The following LRFN5 variants were observed in gnomAD, a reference collection of about 807,000 sequenced individuals.
LRFN5 encodes the protein leucine-rich repeat and fibronectin type-III domain-containing protein 5.
Under a neutral mutation model 45.6 loss-of-function variants are expected in LRFN5, and 24 were observed. The observed-to-expected ratio is 0.53, with a 90% CI of 0.38 to 0.74. The LOEUF is 0.74. Among genes scored for constraint, LRFN5 ranks in the 30% least tolerant of loss-of-function variants. The pLI, the probability that LRFN5 is intolerant of heterozygous loss-of-function variation, is 0.00. For missense variants in LRFN5, 776 were observed against 861.5 expected (o/e 0.90, Z 1.24); for synonymous variants, 340 against 313.8 (o/e 1.08, Z -0.88).
intron 1 of LRFN5, among the ~76,000 whole-genome samples, chr14:41,678,007 T>G (rs1350681633): frequency 6.6e-6 from 1 of 152,054 alleles, no homozygotes; most frequent in Non-Finnish European, 1.5e-5. Flanking sequence ...TGTCAGAGAT[T>G]GTCATGATAA....
Position 41,888,188 on chromosome 14 carries a change from T to C in LRFN5, c.1385+178T>C, listed in dbSNP as rs138864401. Reference sequence around the variant, plus strand: ...ACAAGTGGGGAGATATTTTGAATGGTATTTTTTTAGAGAGTTCAATTTATA... The same window carrying C: ...ACAAGTGGGGAGATATTTTGAATGGCATTTTTTTAGAGAGTTCAATTTATA... On this transcript the variant is annotated intron_variant, in intron 3 of 5. Coordinates refer to ENST00000298119, the MANE Select transcript of LRFN5 (RefSeq NM_152447.5). 3.3e-3 allele frequency among the ~76,000 whole-genome samples: 501 copies of C among 152,266 alleles called. 5 individuals carry two copies. The highest frequency in any genetic ancestry group is 0.012 in the African/African-American group (484 of 41,548).
chr14:41,657,545 T>A (rs8022751), intron 1 of LRFN5, among the ~76,000 whole-genome samples: 32,146 of 151,850 alleles, frequency 0.21, 3,974 homozygotes, highest in South Asian at 0.37. Context: ...TAAGGTAATT[T>A]GGAAAATTTC....
Position 41,891,911 on chromosome 14 carries a change from C to A in LRFN5, c.2047C>A (p.Pro683Thr), listed in dbSNP as rs887147057. Residue 683 changes from proline to threonine, a missense_variant, in exon 4 of 6, where the codon CCC becomes ACC. Pro to Thr is a conservative substitution (Grantham distance 38, BLOSUM62 -1). This residue lies in a region of LRFN5 where 465 missense variants were observed against 456.4 expected (regional missense o/e 1.02). Coordinates refer to ENST00000298119, the MANE Select transcript of LRFN5 (RefSeq NM_152447.5). Reference sequence around the variant, plus strand: ...TGCCTTGCAGTTAGCTAGCCGTCCTCCCGATTCTGTCACAGAGGGGCCCAC... The same window carrying A: ...TGCCTTGCAGTTAGCTAGCCGTCCTACCGATTCTGTCACAGAGGGGCCCAC... ...STALQLASRPPDSVTEGPTSK... is the reference protein window; with the variant it reads ...STALQLASRPTDSVTEGPTSK... The A allele has an allele frequency of 3.7e-6, 6 of 1,614,014 alleles. No homozygotes were observed. Among genetic ancestry groups the A allele is most frequent in the Non-Finnish European group, 5.1e-6 (6 of 1,180,044 alleles).
intron 1 of LRFN5, among the ~76,000 whole-genome samples, chr14:41,726,234 A>G (rs538190067): frequency 8.2e-4 from 125 of 152,236 alleles, no homozygotes; most frequent in Non-Finnish European, 1.3e-3. Flanking sequence ...TAATTTTGCT[A>G]TCTGGTAAAC....
At chr14:41,876,080 T>C (rs1384983410) in intron 2 of LRFN5, among the ~76,000 whole-genome samples, 2 of 151,972 alleles carry the variant, frequency 1.3e-5, no homozygotes, top group African/African-American at 4.8e-5. Flanking sequence ...TTCTGTTTAA[T>C]CTCACCCCGA....
At chr14:41,751,938 C>G (rs149905864) in intron 1 of LRFN5, among the ~76,000 whole-genome samples, 1 of 152,042 alleles carries the variant, frequency 6.6e-6, no homozygotes, top group African/African-American at 2.4e-5. Flanking sequence ...CAACAGGCCC[C>G]GGTGTGTGAT....
chr14:41,748,943 G>T (rs1330768200), intron 1 of LRFN5, among the ~76,000 whole-genome samples: 1 of 151,400 alleles, frequency 6.6e-6, no homozygotes. Context: ...AGTTCTGGAG[G>T]CAGTGGATTC....
At position 41,887,627 on chromosome 14, in the gene LRFN5, T is replaced by A; in HGVS notation, c.1002T>A (p.Ser334=). The A allele has an allele frequency of 6.2e-7, 1 of 1,614,206 alleles. No individual in the cohort carries two copies. The highest frequency in any genetic ancestry group is 8.5e-7 in the Non-Finnish European group (1 of 1,180,042). Residue 334 remains serine, a synonymous_variant, in exon 3 of 6, where the codon TCT becomes TCA. Transcript: ENST00000298119. This position sits in a 1 kb window ranked among gnomAD's most constrained non-coding sequence, Gnocchi z 4.8. ...AGCTTATTTCAAATGCAACAAGATCTCTGGTGTATGATAACGGAACACTTG... is the reference window on the plus strand; with the variant it reads ...AGCTTATTTCAAATGCAACAAGATCACTGGTGTATGATAACGGAACACTTG... The part of the protein sequence containing the change: ...EGKLISNATR[S]LVYDNGTLDI...
chr14:41,724,116 C>T (rs1883835536), intron 1 of LRFN5, among the ~76,000 whole-genome samples: 1 of 152,138 alleles, frequency 6.6e-6, no homozygotes, highest in Non-Finnish European at 1.5e-5. Context: ...CTTTTATCAG[C>T]CAAATGCTGT....
intron 1 of LRFN5, among the ~76,000 whole-genome samples, chr14:41,613,078 C>T (rs1295532412): frequency 6.6e-6 from 1 of 152,076 alleles, no homozygotes; most frequent in African/African-American, 2.4e-5. Context: ...TATAACTCTG[C>T]TGTCTATCAT....
intron 1 of LRFN5, among the ~76,000 whole-genome samples, chr14:41,753,934 T>C (rs1439114548): frequency 6.6e-6 from 1 of 152,162 alleles, no homozygotes; most frequent in Non-Finnish European, 1.5e-5. Context: ...TTGAGATACG[T>C]CCCATCAATA....
intron 1 of LRFN5, among the ~76,000 whole-genome samples, chr14:41,684,531 A>G (rs775596852): frequency 3.9e-5 from 6 of 152,096 alleles, no homozygotes; most frequent in Non-Finnish European, 5.9e-5. Flanking sequence ...GTGGGAAACC[A>G]CCGCCATAAT....
At chr14:41,875,919 G>C (rs756823324) in intron 2 of LRFN5, among the ~76,000 whole-genome samples, 1 of 152,130 alleles carries the variant, frequency 6.6e-6, no homozygotes, top group Non-Finnish European at 1.5e-5. Flanking sequence ...TATAGGCCAC[G>C]TATTTAACCA....
chr14:41,829,391 T>C (rs1260027842), intron 2 of LRFN5, among the ~76,000 whole-genome samples: 1 of 152,036 alleles, frequency 6.6e-6, no homozygotes, highest in Non-Finnish European at 1.5e-5. Context: ...TTTTGATTTA[T>C]TTTTAAAAGT....
chr14:41,860,029 T>G (rs1425627768), intron 2 of LRFN5, among the ~76,000 whole-genome samples: 2 of 152,172 alleles, frequency 1.3e-5, no homozygotes, highest in Non-Finnish European at 2.9e-5. Context: ...TGCTTAACTT[T>G]TTTCCAAATA....
At chr14:41,842,602 A>G (rs1888902294) in intron 2 of LRFN5, among the ~76,000 whole-genome samples, 1 of 152,130 alleles carries the variant, frequency 6.6e-6, no homozygotes, top group Non-Finnish European at 1.5e-5. Flanking sequence ...ACACTGATAC[A>G]TTTATTTTCA....
intron 2 of LRFN5, among the ~76,000 whole-genome samples, chr14:41,793,978 A>G (rs911845685): frequency 2.0e-5 from 3 of 152,212 alleles, no homozygotes; most frequent in South Asian, 2.1e-4. Context: ...GGGAGTTATT[A>G]TAGATTCCTC....
chr14:41,782,505 A>T (rs1369107057), intron 2 of LRFN5, among the ~76,000 whole-genome samples: 3 of 152,124 alleles, frequency 2.0e-5, no homozygotes, highest in African/African-American at 7.2e-5. Context: ...ATAACTGCAA[A>T]ACCTGAGTCA....
intron 1 of LRFN5, among the ~76,000 whole-genome samples, chr14:41,702,698 A>G (rs1882888296): frequency 6.6e-6 from 1 of 151,760 alleles, no homozygotes; most frequent in Non-Finnish European, 1.5e-5. Flanking sequence ...CACCTGACCT[A>G]GAGCCATCCT....
Sources: gnomAD v4.1 joint callset for allele counts (sites outside exome capture counted in the v4.1 genomes callset) on GRCh38, gnomAD v4.1.1 for gene constraint, gnomAD v4.1.1 regional missense constraint, Gnocchi (gnomAD v3.1) non-coding constraint, MANE v1.5 for transcripts, NCBI Gene and HGNC (gene_info 2026-07-23, HGNC 2026-07-21) for gene names.